The following NALF1 variants were observed in gnomAD, a reference collection of about 807,000 sequenced individuals.
The protein encoded by NALF1 is family with sequence similarity 155 member A.
Under a neutral mutation model 48.4 loss-of-function variants are expected in NALF1, and 3 were observed. That is an observed-to-expected ratio of 0.06 (90% CI 0.03 to 0.16). The LOEUF is 0.16. NALF1 is among the 10% of genes least tolerant of loss of function. The pLI, the probability that NALF1 is intolerant of heterozygous loss-of-function variation, is 1.00. For synonymous variants in NALF1, 262 were observed against 245.7 expected, an observed-to-expected ratio of 1.07 and a Z score of -0.62; for missense variants, 526 against 571.5, an observed-to-expected ratio of 0.92 and a Z score of 0.81.
rs937349051 is a variant in NALF1, at chr13:107,824,603, T to C, written c.915+41079A>G. ...AAATTCTGGCCTGTACTAATCCAGATTGAGGAATTTGAATAACTGATTCAG... is the reference window on the plus strand; with the variant it reads ...AAATTCTGGCCTGTACTAATCCAGACTGAGGAATTTGAATAACTGATTCAG... On this transcript the variant is annotated intron_variant, in intron 1 of 2. Coordinates refer to ENST00000375915, the MANE Select transcript of NALF1 (RefSeq NM_001080396.3). Among the ~76,000 whole-genome samples the C allele has an allele frequency of 2.0e-5, 3 of 152,282 alleles. No homozygotes were observed. The South Asian group carries it at 6.2e-4, about 32-fold the overall frequency.
At chr13:107,608,236 G>T (rs1297504861) in intron 1 of NALF1, among the ~76,000 whole-genome samples, 2 of 152,104 alleles carry the variant, frequency 1.3e-5, no homozygotes, top group African/African-American at 4.8e-5. Context: ...TTGGGATCCA[G>T]ACATAATATT....
intron 1 of NALF1, among the ~76,000 whole-genome samples, chr13:107,509,001 T>G (rs1157823): frequency 0.42 from 64,605 of 152,014 alleles, 16,393 homozygotes; most frequent in Non-Finnish European, 0.57. Context: ...ATTTGCGAAT[T>G]GTATTTTAAC....
intron 1 of NALF1, among the ~76,000 whole-genome samples, chr13:107,427,436 T>C (rs1219470336): frequency 1.4e-5 from 2 of 141,940 alleles, no homozygotes; most frequent in African/African-American, 2.7e-5. Flanking sequence ...TTTTGACTGT[T>C]TGGAAGAATT....
At chr13:107,621,912 C>T (rs749425783) in intron 1 of NALF1, among the ~76,000 whole-genome samples, 4 of 152,198 alleles carry the variant, frequency 2.6e-5, no homozygotes, top group Admixed American at 1.3e-4. Context: ...GGTTCCACCA[C>T]GGATAACTGG....
chr13:107,554,491 G>T lies in NALF1; in HGVS notation c.915+311191C>A, dbSNP rs556747094. On this transcript the variant is annotated intron_variant, in intron 1 of 2. Transcript: ENST00000375915. ...GCTGGCCAAGGAAAGACCCAGGCCA[G>T]GCAGTGCAACCAGTCCTCAAGAACC... 7.9e-5 allele frequency among the ~76,000 whole-genome samples: 12 copies of T among 152,262 alleles called. No homozygotes were observed. In the South Asian group the frequency reaches 2.1e-3, roughly 26 times the overall value.
chr13:107,283,792 T>G (rs1159714953), intron 1 of NALF1, among the ~76,000 whole-genome samples: 1 of 151,756 alleles, frequency 6.6e-6, no homozygotes, highest in East Asian at 1.9e-4. Flanking sequence ...CCTGAGTAGC[T>G]CGGACTACAG....
In NALF1 at chr13:107,163,863, CAGAAAAAGGTAGAAAAAGAAAACAAG is replaced by C. The variant is rs1271815795; in HGVS notation, c.*6608_*6633del. Reference sequence around the variant, plus strand: ...ATGATATGAAAATAAATGCCATATGCAGAAAAAGGTAGAAAAAGAAAACAAGAGAAAAAGGAAGAAAAAGAAAGCAA... The same window carrying C: ...ATGATATGAAAATAAATGCCATATGCAGAAAAAGGAAGAAAAAGAAAGCAA... On this transcript the variant is annotated 3_prime_UTR_variant, in exon 3 of 3. Coordinates refer to ENST00000375915, the MANE Select transcript of NALF1 (RefSeq NM_001080396.3). 1 of 151,690 alleles carries C rather than the reference CAGAAAAAGGTAGAAAAAGAAAACAAG, an allele frequency of 6.6e-6. No individual in the cohort carries two copies. The allele number at this position is 151,690 out of a possible 1,614,324, so 9.4% of individuals were successfully genotyped here. A position where few individuals can be genotyped will look rare whatever the true frequency, so the allele number is the denominator to read the frequency against.
intron 1 of NALF1, among the ~76,000 whole-genome samples, chr13:107,801,683 T>C (rs1347079748): frequency 1.3e-5 from 2 of 152,186 alleles, no homozygotes; most frequent in Non-Finnish European, 1.5e-5. Context: ...TAATATTCAG[T>C]TGGATATGAG....
intron 1 of NALF1, among the ~76,000 whole-genome samples, chr13:107,244,233 T>C (rs1880533606): frequency 6.6e-6 from 1 of 152,216 alleles, no homozygotes; most frequent in Non-Finnish European, 1.5e-5. Context: ...TAAATAGGAA[T>C]TGCCATAGCG....
intron 1 of NALF1, among the ~76,000 whole-genome samples, chr13:107,535,222 A>T (rs919788549): frequency 6.6e-6 from 1 of 152,096 alleles, no homozygotes; most frequent in African/African-American, 2.4e-5. Flanking sequence ...ACTATGTTGA[A>T]TAGGAGTGGT....
intron 1 of NALF1, among the ~76,000 whole-genome samples, chr13:107,752,880 T>C (rs1876978369): frequency 1.3e-5 from 2 of 152,164 alleles, no homozygotes; most frequent in South Asian, 2.1e-4. Flanking sequence ...ATTATACGTA[T>C]AAAAAACAGA....
Position 107,375,022 on chromosome 13 carries a change from T to C in NALF1, c.916-164267A>G, listed in dbSNP as rs181589387. On this transcript the variant is annotated intron_variant, in intron 1 of 2. Coordinates refer to ENST00000375915, the MANE Select transcript of NALF1 (RefSeq NM_001080396.3). Reference sequence around the variant, plus strand: ...CTGGTTTAAAAAATTAACCTTAATATAGCTTCTAACTGTATAAACTGCTCA... The same window carrying C: ...CTGGTTTAAAAAATTAACCTTAATACAGCTTCTAACTGTATAAACTGCTCA... Among the ~76,000 whole-genome samples the C allele has an allele frequency of 6.8e-4, 104 of 152,314 alleles. 1 individual carries two copies. In the Middle Eastern group the frequency reaches 0.014, roughly 20 times the overall value.
At chr13:107,565,165 T>C (rs999302379) in intron 1 of NALF1, among the ~76,000 whole-genome samples, 3 of 119,960 alleles carry the variant, frequency 2.5e-5, no homozygotes, top group East Asian at 2.6e-4. Context: ...ACAAAAGATA[T>C]AGGAATTCAA....
At chr13:107,643,391 C>G (rs1385253579) in intron 1 of NALF1, among the ~76,000 whole-genome samples, 2 of 152,078 alleles carry the variant, frequency 1.3e-5, no homozygotes, top group Non-Finnish European at 2.9e-5. Flanking sequence ...TTAATAAACT[C>G]TTCCCATTCA....
At position 107,866,032 on chromosome 13, in the gene NALF1, C is replaced by T; in HGVS notation, c.565G>A (p.Ala189Thr). 1 of 1,612,194 alleles carries T rather than the reference C, an allele frequency of 6.2e-7. No individual in the cohort carries two copies. The highest frequency in any genetic ancestry group is 8.5e-7 in the Non-Finnish European group (1 of 1,179,902). ...CGACTCCAGTTCCTGGCGCACACCGCGTCCGCATTCTCCACCGTGAAGCAC... is the reference window on the plus strand; with the variant it reads ...CGACTCCAGTTCCTGGCGCACACCGTGTCCGCATTCTCCACCGTGAAGCAC... ...GQCFTVENAD[A>T]VCARNWSRGA... Residue 189 changes from alanine to threonine, a missense_variant, in exon 1 of 3, where the codon GCG becomes ACG. By Grantham distance (58) the Ala-to-Thr change is moderately conservative (BLOSUM62 0). This residue lies in a region of NALF1 where 373 missense variants were observed against 355.5 expected (regional missense o/e 1.05). Transcript: ENST00000375915. This position sits in a 1 kb window ranked among gnomAD's most constrained non-coding sequence, Gnocchi z 4.4.
At chr13:107,565,831 A>G (rs1877795027) in intron 1 of NALF1, among the ~76,000 whole-genome samples, 1 of 152,116 alleles carries the variant, frequency 6.6e-6, no homozygotes, top group East Asian at 1.9e-4. Flanking sequence ...GTCCAGGCCA[A>G]TTTCTGAATT....
intron 1 of NALF1, among the ~76,000 whole-genome samples, chr13:107,720,585 T>C (rs1332883844): frequency 1.4e-5 from 2 of 147,906 alleles, no homozygotes; most frequent in Non-Finnish European, 3.0e-5. Context: ...TCCAGTAACA[T>C]GTGCAGAATT....
At chr13:107,448,307 T>C (rs948538916) in intron 1 of NALF1, among the ~76,000 whole-genome samples, 2 of 152,158 alleles carry the variant, frequency 1.3e-5, no homozygotes, top group Non-Finnish European at 2.9e-5. Flanking sequence ...TGCAGATATA[T>C]TAAAGAGATA....
At chr13:107,377,091 C>A (rs964137526) in intron 1 of NALF1, among the ~76,000 whole-genome samples, 9 of 152,200 alleles carry the variant, frequency 5.9e-5, no homozygotes, top group African/African-American at 1.9e-4. Context: ...CAGCTCACAC[C>A]TCCTGCAGCT....
Sources: allele counts gnomAD v4.1 joint callset (sites outside exome capture counted in the v4.1 genomes callset), GRCh38; gene constraint gnomAD v4.1.1; regional missense constraint gnomAD v4.1.1; non-coding constraint Gnocchi (gnomAD v3.1); transcripts MANE v1.5; gene names NCBI Gene and HGNC (gene_info 2026-07-23, HGNC 2026-07-21).